The following HMCN1 variants were observed in gnomAD, a reference collection of about 807,000 sequenced individuals.
HMCN1 encodes the protein hemicentin-1.
Under a neutral mutation model 625.9 loss-of-function variants are expected in HMCN1, and 321 were observed. The observed-to-expected ratio is 0.51, with a 90% CI of 0.47 to 0.56. HMCN1 has a LOEUF of 0.56. Among genes scored for constraint, HMCN1 ranks in the 20% least tolerant of loss-of-function variants. HMCN1 has a pLI of 0.00. For missense variants in HMCN1, 6,588 were observed against 6,887.3 expected, an observed-to-expected ratio of 0.96 and a Z score of 1.54; for synonymous variants, 2,425 against 2,417.6, an observed-to-expected ratio of 1.00 and a Z score of -0.09.
chr1:186,083,440 A>T (rs1260702525), intron 57 of HMCN1, among the ~76,000 whole-genome samples: 2 of 150,510 alleles, frequency 1.3e-5, no homozygotes, highest in Admixed American at 6.6e-5. Flanking sequence ...CAGCACACCT[A>T]ATTCATTCAT....
intron 29 of HMCN1, 60 bp downstream of exon 29, chr1:186,003,904 T>C: frequency 1.3e-6 from 2 of 1,525,176 alleles, no homozygotes; most frequent in Non-Finnish European, 1.8e-6. Context: ...ATGTGAAAAA[T>C]GCATGTGGAT....
At chr1:186,166,643 C>T (rs778515975) in intron 99 of HMCN1, among the ~76,000 whole-genome samples, 165 bp from the exon 100 acceptor site, 15 of 152,222 alleles carry the variant, frequency 9.9e-5, no homozygotes, top group Non-Finnish European at 1.6e-4. Context: ...GTGAGTTTGT[C>T]AGCTATTTAG....
At chr1:185,876,753 G>C (rs1160725853) in intron 4 of HMCN1, among the ~76,000 whole-genome samples, 5 of 151,730 alleles carry the variant, frequency 3.3e-5, no homozygotes, top group African/African-American at 1.2e-4. Flanking sequence ...ATTTTAATGT[G>C]CCCACTTTTT....
chr1:185,955,823 CCTT>C (rs1406253899), intron 11 of HMCN1, among the ~76,000 whole-genome samples: 3 of 152,098 alleles, frequency 2.0e-5, no homozygotes, highest in Non-Finnish European at 4.4e-5. Context: ...TGACCCTAGC[CCTT>C]CTTTCATTAC....
chr1:185,850,394 G>T (rs185445895), intron 2 of HMCN1, among the ~76,000 whole-genome samples: 1 of 151,716 alleles, frequency 6.6e-6, no homozygotes, highest in East Asian at 1.9e-4. Context: ...TTTTTCCTCC[G>T]TGACAATACA....
chr1:185,879,138 C>T (rs757710999), intron 4 of HMCN1, among the ~76,000 whole-genome samples: 6 of 152,138 alleles, frequency 3.9e-5, no homozygotes, highest in African/African-American at 4.8e-5. Context: ...CAATCCCTTC[C>T]TTGCCTAGTA....
At position 185,859,896 on chromosome 1, in the gene HMCN1, C is replaced by T. The variant is rs148807008; in HGVS notation, c.340-4574C>T. On this transcript the variant is annotated intron_variant, in intron 2 of 106. Transcript: ENST00000271588. ...ATGTTGCCCAGCCTGGTCGCGAACT[C>T]CTGAGCTCAGGCAGTCTGTGTGCCT... 2.0e-4 allele frequency among the ~76,000 whole-genome samples: 31 copies of T among 152,122 alleles called. No homozygotes were observed. The East Asian group carries it at 5.8e-3, about 29-fold the overall frequency.
intron 1 of HMCN1, among the ~76,000 whole-genome samples, chr1:185,819,722 C>A (rs1571399755): frequency 6.6e-6 from 1 of 152,052 alleles, no homozygotes; most frequent in Admixed American, 6.6e-5. Flanking sequence ...GAGAAAGAAA[C>A]AGTCTTATAA....
intron 6 of HMCN1, among the ~76,000 whole-genome samples, chr1:185,913,569 G>A (rs1666540928): frequency 6.6e-6 from 1 of 152,054 alleles, no homozygotes. Flanking sequence ...TCTGAATATT[G>A]ACCTTAAGTA....
chr1:185,763,474 C>T lies in HMCN1; in HGVS notation c.268+28427C>T, dbSNP rs184854518. On this transcript the variant is annotated intron_variant, in intron 1 of 106. Coordinates refer to ENST00000271588, the MANE Select transcript of HMCN1 (RefSeq NM_031935.3). ...CATATCTTTTACCAGTGTTTCTGTT[C>T]TTTGCTGCAAGATGGTTCCTTATAT... Among the ~76,000 whole-genome samples the T allele has an allele frequency of 2.4e-4, 37 of 152,228 alleles. No homozygotes were observed. The East Asian group carries it at 6.0e-3, about 25-fold the overall frequency.
chr1:185,867,944 C>T (rs1663369726), intron 4 of HMCN1, among the ~76,000 whole-genome samples: 1 of 151,962 alleles, frequency 6.6e-6, no homozygotes, highest in African/African-American at 2.4e-5. Flanking sequence ...TGGCACGTAC[C>T]CATAGTCCCA....
intron 1 of HMCN1, among the ~76,000 whole-genome samples, chr1:185,797,476 C>T (rs868731424): frequency 1.3e-5 from 2 of 152,192 alleles, no homozygotes; most frequent in Middle Eastern, 3.4e-3. Context: ...TAATTAAAAA[C>T]AATTTATTTT....
intron 2 of HMCN1, among the ~76,000 whole-genome samples, chr1:185,854,362 G>T (rs1214124952): frequency 1.3e-5 from 2 of 152,080 alleles, no homozygotes; most frequent in African/African-American, 4.8e-5. Flanking sequence ...CACTTGTCCA[G>T]TTACCCCGTC....
intron 15 of HMCN1, among the ~76,000 whole-genome samples, chr1:185,970,727 C>T (rs1032327183): frequency 1.3e-4 from 20 of 151,650 alleles, no homozygotes; most frequent in African/African-American, 3.6e-4. Context: ...AGTGCTATCT[C>T]GGCTCACTGC....
At position 186,045,502 on chromosome 1, in the gene HMCN1, C is replaced by T. The variant is rs374759059; in HGVS notation, c.6305-186C>T. Reference sequence around the variant, plus strand: ...GAAGTTAGTGAGAAATATTTTTCAACGAGAATACATTAATTAGTGATTTAT... The same window carrying T: ...GAAGTTAGTGAGAAATATTTTTCAATGAGAATACATTAATTAGTGATTTAT... On this transcript the variant is annotated intron_variant, in intron 40 of 106. Transcript: ENST00000271588. Among the ~76,000 whole-genome samples, 77 of 152,112 alleles carry T rather than the reference C, an allele frequency of 5.1e-4. No homozygotes were observed. In the Middle Eastern group the frequency reaches 0.014, roughly 27 times the overall value.
At chr1:185,950,271 G>A (rs1668578500) in intron 11 of HMCN1, among the ~76,000 whole-genome samples, 1 of 151,766 alleles carries the variant, frequency 6.6e-6, no homozygotes. Context: ...TATGCGTCAG[G>A]TATGAGGAAG....
chr1:185,848,222 C>A (rs949483858), intron 2 of HMCN1, among the ~76,000 whole-genome samples: 10 of 151,674 alleles, frequency 6.6e-5, no homozygotes, highest in African/African-American at 2.2e-4. Flanking sequence ...ATCTAGTTCC[C>A]ATTCCTCCCA....
In HMCN1 at chr1:186,187,927, C is replaced by A. The variant is rs192080238; in HGVS notation, c.16459C>A (p.Arg5487Ser). 3.1e-6 allele frequency: 5 copies of A among 1,613,660 alleles called. No individual in the cohort carries two copies. The highest frequency in any genetic ancestry group is 1.1e-5 in the South Asian group (1 of 91,090). ...LEQNVHCGPN[R>S]MCFNMRGSYQ... ...GCAGAATGTGCACTGTGGACCCAAT[C>A]GCATGTGCTTCAACATGAGAGGAAG... Residue 5487 changes from arginine (R) to serine (S), a missense_variant, in exon 106 of 107, where the codon CGC becomes AGC. Coordinates refer to ENST00000271588, the MANE Select transcript of HMCN1 (RefSeq NM_031935.3).
chr1:185,998,680 T>A (rs1652971505), intron 25 of HMCN1, among the ~76,000 whole-genome samples: 2 of 152,146 alleles, frequency 1.3e-5, no homozygotes. Flanking sequence ...TCTTCCTTAC[T>A]TCCTCATTTT....
Sources: allele counts gnomAD v4.1 joint callset (sites outside exome capture counted in the v4.1 genomes callset), GRCh38; gene constraint gnomAD v4.1.1; transcripts MANE v1.5; gene names NCBI Gene and HGNC (gene_info 2026-07-23, HGNC 2026-07-21).